PPP1R13B: variants seen among roughly 807,000 people sequenced by gnomAD.
PPP1R13B encodes apoptosis-stimulating of p53 protein 1.
PPP1R13B carries 44 observed loss-of-function variants against 119.8 expected under a neutral mutation model. The ratio of observed to expected loss-of-function variants is 0.37; its 90% CI spans 0.29 to 0.47. The LOEUF (loss-of-function observed/expected upper bound fraction) is 0.47. PPP1R13B is among the 20% of genes least tolerant of loss of function. The pLI is 0.99. For synonymous variants in PPP1R13B, 542 were observed against 561.5 expected, an observed-to-expected ratio of 0.97 and a Z score of 0.49; for missense variants, 1,227 against 1,413.5, an observed-to-expected ratio of 0.87 and a Z score of 2.12.
At chr14:103,830,160 A>G (rs1294696480) in intron 1 of PPP1R13B, among the ~76,000 whole-genome samples, 1 of 151,866 alleles carries the variant, frequency 6.6e-6, no homozygotes, top group Non-Finnish European at 1.5e-5. Flanking sequence ...CTGTGGTGCA[A>G]TCTCAGCTCA....
At chr14:103,812,123 T>G in intron 1 of PPP1R13B, among the ~76,000 whole-genome samples, 1 of 136,728 alleles carries the variant, frequency 7.3e-6, no homozygotes, top group East Asian at 2.3e-4. Flanking sequence ...TGTTTCTGTG[T>G]GTGGTTTTTT....
chr14:103,835,226 G>C (rs1057096695), intron 1 of PPP1R13B, among the ~76,000 whole-genome samples: 9 of 151,784 alleles, frequency 5.9e-5, no homozygotes, highest in Non-Finnish European at 8.8e-5. Context: ...AGGCTCAAGC[G>C]ATCCTCCTAC....
chr14:103,739,841 G>A lies in PPP1R13B; in HGVS notation c.2575C>T (p.Pro859Ser), dbSNP rs575762004. The A allele has an allele frequency of 3.1e-6, 5 of 1,608,770 alleles. No individual in the cohort carries two copies. The highest frequency in any genetic ancestry group is 1.7e-4 in the Middle Eastern group (1 of 6,036). The part of the protein sequence containing the change: ...PPAPLPPASH[P>S]PATSTNKRTN... ...ACACCCACCGTGGAGGTGGCAGGAG[G>A]GTGGCTGGCAGGGGGAAGAGGTGCT... The change falls in exon 12 of 17, where the codon CCT (proline) becomes TCT (serine). Residue 859 changes from proline (P) to serine (S), a missense_variant. Coordinates refer to ENST00000202556, the MANE Select transcript of PPP1R13B (RefSeq NM_015316.3).
chr14:103,823,780 C>G (rs1240104481), intron 1 of PPP1R13B, among the ~76,000 whole-genome samples: 1 of 152,056 alleles, frequency 6.6e-6, no homozygotes, highest in East Asian at 1.9e-4. Context: ...TGCCAGAAAT[C>G]CTGTTTTTTA....
intron 16 of PPP1R13B, 94 bp from the exon 17 acceptor site, chr14:103,735,289 G>T: frequency 8.2e-7 from 1 of 1,221,450 alleles, no homozygotes; most frequent in Non-Finnish European, 1.2e-6. Flanking sequence ...CAGCCACCCT[G>T]GACAGCCGTG....
rs2085419507 is a variant in PPP1R13B, at chr14:103,784,830, C to T, written c.242G>A (p.Arg81Gln). The T allele has an allele frequency of 6.8e-6, 11 of 1,609,472 alleles. No individual in the cohort carries two copies. Among genetic ancestry groups the T allele is most frequent in the Non-Finnish European group, 9.3e-6 (11 of 1,176,606 alleles). The change falls in exon 3 of 17, where the codon CGA becomes CAA. Residue 81 changes from arginine (R) to glutamine (Q), a missense_variant. Coordinates refer to ENST00000202556, the MANE Select transcript of PPP1R13B (RefSeq NM_015316.3). ...GTTCTCAGTTGGGGAGTCCTCGTGT[C>T]GAAGGAAAAATTTCACTTCTTCCCT... ...PRREEVKFFL[R>Q]HEDSPTENSE... is the part of the protein sequence containing the mutation.
At chr14:103,810,346 C>A (rs1438549741) in intron 1 of PPP1R13B, among the ~76,000 whole-genome samples, 1 of 152,018 alleles carries the variant, frequency 6.6e-6, no homozygotes, top group Non-Finnish European at 1.5e-5. Flanking sequence ...CGTTTGAACC[C>A]AGGAGGCAGA....
At chr14:103,792,839 G>A (rs977082295) in intron 2 of PPP1R13B, among the ~76,000 whole-genome samples, 2 of 152,062 alleles carry the variant, frequency 1.3e-5, no homozygotes, top group African/African-American at 4.8e-5. Context: ...GGGAGGCCGA[G>A]GCAGGTGGAT....
In PPP1R13B at chr14:103,753,017, G is replaced by A. The variant is rs374114918; in HGVS notation, c.811C>T (p.Leu271=). 8 of 1,613,982 alleles carry A rather than the reference G, an allele frequency of 5.0e-6. No homozygotes were observed. The highest frequency in any genetic ancestry group is 1.6e-4 in the Middle Eastern group (1 of 6,084). Residue 271 remains leucine, a synonymous_variant, in exon 7 of 17, where the codon CTG becomes TTG. Coordinates refer to ENST00000202556, the MANE Select transcript of PPP1R13B (RefSeq NM_015316.3). ...GGAGTTACCTGTAGTTCTTGGTACA[G>A]TCTTTTTAACTCCACCGCCGCTGGT... ...TGPAAVELKR[L]YQELQIRNQL... is the part of the protein sequence containing the mutation.
chr14:103,846,419 T>C (rs964299478), intron 1 of PPP1R13B, among the ~76,000 whole-genome samples: 1 of 152,212 alleles, frequency 6.6e-6, no homozygotes, highest in Non-Finnish European at 1.5e-5. Context: ...AACGTAGTAT[T>C]GTAGGTTAAA....
At chr14:103,792,270 T>G (rs2085642401) in intron 2 of PPP1R13B, among the ~76,000 whole-genome samples, 1 of 151,786 alleles carries the variant, frequency 6.6e-6, no homozygotes, top group Non-Finnish European at 1.5e-5. Context: ...AGTGCAGTGG[T>G]GTGATCAAGC....
chr14:103,816,193 ACT>A lies in PPP1R13B; in HGVS notation c.10-18677_10-18676del, dbSNP rs528418364. 2.1e-3 allele frequency among the ~76,000 whole-genome samples: 318 copies of A among 149,418 alleles called. 1 individual carries two copies. The highest frequency in any genetic ancestry group is 3.1e-3 in the Non-Finnish European group (212 of 67,504). On this transcript the variant is annotated intron_variant, in intron 1 of 16. Transcript: ENST00000202556. The stretch of plus-strand genomic sequence containing the variant: ...TTTTTTTTTTTGAGACAAGAGTCTC[ACT>A]CTGTTGCCCAAGCTGGAGTGCAGAT...
At position 103,736,114 on chromosome 14, in the gene PPP1R13B, G is replaced by A; in HGVS notation, c.3120C>T (p.Phe1040=). 6.2e-7 allele frequency: 1 copy of A among 1,614,208 alleles called. No homozygotes were observed. The highest frequency in any genetic ancestry group is 2.2e-5 in the East Asian group (1 of 44,884). Reference sequence around the variant, plus strand: ...GGATGGTGAGGGCGTCCCCTTCGTGGAAGGACAGCTCGTCACTGTTCTGGG... The same window carrying A: ...GGATGGTGAGGGCGTCCCCTTCGTGAAAGGACAGCTCGTCACTGTTCTGGG... ...YEAQNSDELS[F]HEGDALTILR... The change falls in exon 16 of 17, where the codon TTC becomes TTT. Residue 1040 remains phenylalanine (F), a synonymous_variant. Transcript: ENST00000202556.
chr14:103,786,960 G>A (rs561524364), intron 2 of PPP1R13B, among the ~76,000 whole-genome samples: 2 of 150,314 alleles, frequency 1.3e-5, no homozygotes, highest in African/African-American at 4.9e-5. Flanking sequence ...CACCCACCTC[G>A]ACCTCCCAAA....
Position 103,757,480 on chromosome 14 carries a change from C to T in PPP1R13B, c.456+170G>A, listed in dbSNP as rs564685519. ...CCCAACTTCCAGAAACTACAGTATG[C>T]ATATATTATTATGGAAGTGATAACA... On this transcript the variant is annotated intron_variant, in intron 5 of 16. Coordinates refer to ENST00000202556, the MANE Select transcript of PPP1R13B (RefSeq NM_015316.3). Among the ~76,000 whole-genome samples the T allele has an allele frequency of 4.6e-5, 7 of 152,258 alleles. No homozygotes were observed. The South Asian group carries it at 8.3e-4, about 18-fold the overall frequency.
chr14:103,804,052 G>C, intron 1 of PPP1R13B: 6 of 984,660 alleles, frequency 6.1e-6, no homozygotes, highest in Non-Finnish European at 6.0e-6. Context: ...CTCATTACCT[G>C]GTCTTGAAAT....
chr14:103,737,890 C>A, intron 14 of PPP1R13B, 30 bp from the exon 15 acceptor site: 1 of 1,600,132 alleles, frequency 6.2e-7, no homozygotes, highest in Non-Finnish European at 8.5e-7. Flanking sequence ...AAGGTGCAGG[C>A]CTGGCACTGC....
intron 1 of PPP1R13B, among the ~76,000 whole-genome samples, chr14:103,821,538 G>C (rs1390396609): frequency 1.3e-5 from 2 of 152,188 alleles, no homozygotes; most frequent in Non-Finnish European, 2.9e-5. Flanking sequence ...GATCACCTGA[G>C]GTTGGGAGTT....
chr14:103,740,473 T>C lies in PPP1R13B; in HGVS notation c.1943A>G (p.Glu648Gly), dbSNP rs778226795. The part of the protein sequence containing the change: ...PQPPSESTEK[E>G]PEQDGPAAPA... The stretch of plus-strand genomic sequence containing the variant: ...GGCGGCGGGGCCATCCTGCTCAGGC[T>C]CTTTCTCAGTACTTTCTGAAGGTGG... Residue 648 changes from glutamate to glycine, a missense_variant, in exon 12 of 17, where the codon GAG becomes GGG. Coordinates refer to ENST00000202556, the MANE Select transcript of PPP1R13B (RefSeq NM_015316.3). The surrounding 1 kb of genome is among the most constrained non-coding windows in gnomAD (Gnocchi z 4.6). The C allele has an allele frequency of 6.2e-7, 1 of 1,609,704 alleles. No individual in the cohort carries two copies. Among genetic ancestry groups the C allele is most frequent in the Non-Finnish European group, 8.5e-7 (1 of 1,177,160 alleles).
Sources: allele counts gnomAD v4.1 joint callset (sites outside exome capture counted in the v4.1 genomes callset), GRCh38; gene constraint gnomAD v4.1.1; non-coding constraint Gnocchi (gnomAD v3.1); transcripts MANE v1.5; gene names NCBI Gene and HGNC (gene_info 2026-07-23, HGNC 2026-07-21).